GABBR2: variants seen among roughly 807,000 people sequenced by gnomAD.
The protein encoded by GABBR2 is gamma-aminobutyric acid type B receptor subunit 2.
A neutral mutation model predicts 105.6 loss-of-function variants in GABBR2; 23 were observed. The observed-to-expected ratio is 0.22, with a 90% CI of 0.16 to 0.31. The LOEUF (loss-of-function observed/expected upper bound fraction) is 0.31. Ranked by LOEUF, GABBR2 falls within the 10% of genes least tolerant of loss-of-function variation. GABBR2 has a pLI of 1.00. For synonymous variants in GABBR2, 478 were observed against 499.7 expected, an observed-to-expected ratio of 0.96 and a Z score of 0.58; for missense variants, 734 against 1,245.5, an observed-to-expected ratio of 0.59 and a Z score of 6.18.
At chr9:98,419,098 CG>C (rs146223380) in intron 7 of GABBR2, among the ~76,000 whole-genome samples, 1 of 152,014 alleles carries the variant, frequency 6.6e-6, no homozygotes, top group Admixed American at 6.6e-5. Context: ...CAGATTGGCC[CG>C]GGGGGGCGGT....
chr9:98,303,317 C>A lies in GABBR2; in HGVS notation c.2336G>T (p.Ser779Ile). The change falls in exon 16 of 19, where the codon AGT becomes ATT. Residue 779 changes from serine (S) to isoleucine (I), a missense_variant. By Grantham distance (142) the Ser-to-Ile change is moderately radical. Coordinates refer to ENST00000259455, the MANE Select transcript of GABBR2 (RefSeq NM_005458.8). Reference sequence around the variant, plus strand: ...GCGGGATGTGCTGGCTTGGTTCACACTGGTGACCGAGGTGGACGTTTTAGA... The same window carrying A: ...GCGGGATGTGCTGGCTTGGTTCACAATGGTGACCGAGGTGGACGTTTTAGA... ...EDSKTSTSVT[S>I]VNQASTSRLE... The A allele has an allele frequency of 6.2e-7, 1 of 1,614,152 alleles. No homozygotes were observed. Among genetic ancestry groups the A allele is most frequent in the Non-Finnish European group, 8.5e-7 (1 of 1,179,980 alleles).
intron 1 of GABBR2, among the ~76,000 whole-genome samples, chr9:98,583,567 A>G (rs1356966551): frequency 1.3e-5 from 2 of 152,236 alleles, no homozygotes; most frequent in African/African-American, 4.8e-5. Context: ...CTTACAGAGT[A>G]TAGTGTTTGT....
chr9:98,465,640 A>G (rs1826535063), intron 6 of GABBR2, among the ~76,000 whole-genome samples: 1 of 152,234 alleles, frequency 6.6e-6, no homozygotes, highest in Admixed American at 6.5e-5. Context: ...ATGATACCAC[A>G]TCTATAATGG....
intron 10 of GABBR2, among the ~76,000 whole-genome samples, chr9:98,386,528 G>A (rs1369331353): frequency 6.6e-6 from 1 of 152,168 alleles, no homozygotes; most frequent in East Asian, 1.9e-4. Flanking sequence ...GGAGCAGGGA[G>A]CATTCTTTAT....
In GABBR2 at chr9:98,318,556, G is replaced by A. The variant is rs1588097971; in HGVS notation, c.1894-7351C>T. On this transcript the variant is annotated intron_variant, in intron 13 of 18. Coordinates refer to ENST00000259455, the MANE Select transcript of GABBR2 (RefSeq NM_005458.8). The stretch of plus-strand genomic sequence containing the variant: ...GCAACAGGCCCAGGCAGGGAGGATG[G>A]GGAGTCCAGATGGTGCACATGAGGA... Among the ~76,000 whole-genome samples, 3 of 152,262 alleles carry A rather than the reference G, an allele frequency of 2.0e-5. No individual in the cohort carries two copies. In the South Asian group the frequency reaches 6.2e-4, roughly 32 times the overall value.
chr9:98,301,687 A>G (rs1016245765), intron 16 of GABBR2, among the ~76,000 whole-genome samples: 3 of 152,248 alleles, frequency 2.0e-5, no homozygotes, highest in South Asian at 4.1e-4. Context: ...AGTTTTAAAT[A>G]GTGGCCTGGG....
intron 13 of GABBR2, among the ~76,000 whole-genome samples, chr9:98,327,693 A>G (rs1457892276): frequency 6.6e-6 from 1 of 151,614 alleles, no homozygotes; most frequent in Non-Finnish European, 1.5e-5. Context: ...ACATGGTGAA[A>G]CCCCGTCTCT....
intron 3 of GABBR2, among the ~76,000 whole-genome samples, chr9:98,518,967 G>A (rs1241353570): frequency 6.6e-6 from 1 of 152,196 alleles, no homozygotes; most frequent in East Asian, 1.9e-4. Flanking sequence ...CTGAAACTGT[G>A]CTAAACTAAG....
Position 98,334,084 on chromosome 9 carries a change from T to C in GABBR2, c.1894-22879A>G, listed in dbSNP as rs115755685. Among the ~76,000 whole-genome samples, 1,016 of 152,334 alleles carry C rather than the reference T, an allele frequency of 6.7e-3. 19 individuals are homozygous for C. Among genetic ancestry groups the C allele is most frequent in the African/African-American group, 0.023 (947 of 41,570 alleles). On this transcript the variant is annotated intron_variant, in intron 13 of 18. Transcript: ENST00000259455. ...TGTTACTCCTAAGACAATGCAGCTT[T>C]GTTGAAATCCTAGAAGAAGGCTGAG...
intron 13 of GABBR2, among the ~76,000 whole-genome samples, chr9:98,322,281 G>C (rs924964885): frequency 1.3e-5 from 2 of 152,076 alleles, no homozygotes; most frequent in African/African-American, 4.8e-5. Flanking sequence ...TGTCTGCCCA[G>C]GTGAGACCAG....
intron 8 of GABBR2, among the ~76,000 whole-genome samples, chr9:98,395,295 G>GAGGGCTTCAAATACAAGGGGAAGAATA (rs1564049719): frequency 6.6e-6 from 1 of 152,122 alleles, no homozygotes; most frequent in African/African-American, 2.4e-5. Context: ...GAGAACCCAG[G>GAGGGCTTCAAATACAAGGGGAAGAATA]AGGGCTTCAA....
chr9:98,337,489 A>G (rs1831136605), intron 13 of GABBR2, among the ~76,000 whole-genome samples: 1 of 152,230 alleles, frequency 6.6e-6, no homozygotes, highest in Admixed American at 6.5e-5. Context: ...AACTGATCGT[A>G]TAAATCATAT....
intron 2 of GABBR2, among the ~76,000 whole-genome samples, chr9:98,553,860 C>T (rs538980819): frequency 3.6e-4 from 55 of 152,328 alleles, no homozygotes; most frequent in African/African-American, 1.3e-3. Context: ...ACTAATGTCA[C>T]AAGTCCCTGC....
At chr9:98,414,483 T>G (rs537938840) in intron 7 of GABBR2, among the ~76,000 whole-genome samples, 51 of 152,354 alleles carry the variant, frequency 3.3e-4, no homozygotes, top group Admixed American at 5.2e-4. Context: ...TTACCAGCTA[T>G]GCCAAGGATG....
intron 9 of GABBR2, among the ~76,000 whole-genome samples, chr9:98,390,872 T>G (rs2131499936): frequency 6.6e-6 from 1 of 152,250 alleles, no homozygotes; most frequent in East Asian, 1.9e-4. Flanking sequence ...AAATTGACAA[T>G]AGACAAGAGA....
intron 1 of GABBR2, among the ~76,000 whole-genome samples, chr9:98,633,540 G>A (rs1043350280): frequency 2.0e-5 from 3 of 149,802 alleles, no homozygotes; most frequent in Admixed American, 1.3e-4. Flanking sequence ...TAGGAGAATC[G>A]CTTGAACCCG....
intron 3 of GABBR2, among the ~76,000 whole-genome samples, chr9:98,515,717 T>C (rs1416718563): frequency 6.7e-6 from 1 of 150,354 alleles, no homozygotes; most frequent in Admixed American, 6.6e-5. Flanking sequence ...CCCCCATCCC[T>C]CACTCCAAGC....
chr9:98,538,999 G>A (rs1828237152), intron 3 of GABBR2, among the ~76,000 whole-genome samples: 1 of 152,224 alleles, frequency 6.6e-6, no homozygotes, highest in Non-Finnish European at 1.5e-5. Flanking sequence ...CCACTGAGAT[G>A]CCCTGAAACC....
rs572885378 is a variant in GABBR2, at chr9:98,320,200, T to C, written c.1894-8995A>G. Among the ~76,000 whole-genome samples the C allele has an allele frequency of 2.6e-3, 399 of 152,042 alleles. 3 individuals are homozygous for C. Among genetic ancestry groups the C allele is most frequent in the African/African-American group, 9.3e-3 (385 of 41,378 alleles). On this transcript the variant is annotated intron_variant, in intron 13 of 18. Coordinates refer to ENST00000259455, the MANE Select transcript of GABBR2 (RefSeq NM_005458.8). ...ACAGACACTTCTCAAAAGAAGACAT[T>C]TGTGCAGCCAAAAAACACATGAAAA...
Sources: gnomAD v4.1 joint callset for allele counts (sites outside exome capture counted in the v4.1 genomes callset) on GRCh38, gnomAD v4.1.1 for gene constraint, MANE v1.5 for transcripts, NCBI Gene and HGNC (gene_info 2026-07-23, HGNC 2026-07-21) for gene names.